The following ELOA variants were observed in gnomAD, a reference collection of about 807,000 sequenced individuals.
ELOA encodes elongin-A.
In ELOA, 15 loss-of-function variants were observed where a neutral mutation model predicts 85.2. The observed-to-expected ratio is 0.18, with a 90% confidence interval of 0.12 to 0.27. The LOEUF (loss-of-function observed/expected upper bound fraction) is 0.27. ELOA is among the 10% of genes least tolerant of loss of function. The pLI is 1.00. For synonymous variants in ELOA, 348 were observed against 357.2 expected (o/e 0.97, Z 0.29); for missense variants, 769 against 952.7 (o/e 0.81, Z 2.54).
chr1:23,750,170 CT>C (rs747972246), intron 3 of ELOA, among the ~76,000 whole-genome samples: 51 of 90,512 alleles, frequency 5.6e-4, no homozygotes, highest in African/African-American at 1.4e-3. Context: ...TGGTACGTTT[CT>C]TTTTTTTTTT....
At chr1:23,758,270 T>TA (rs1557456756) in intron 10 of ELOA, among the ~76,000 whole-genome samples, 22 of 97,008 alleles carry the variant, frequency 2.3e-4, no homozygotes, top group African/African-American at 8.4e-4. Context: ...TTTTTTTTTT[T>TA]TTTTTTTTTT....
rs1638290020 is a variant in ELOA at position 23,761,248 on chromosome 1, A to G, written c.*1675A>G. 1 of 152,152 alleles carries G rather than the reference A, an allele frequency of 6.6e-6. No homozygotes were observed. The highest frequency in any genetic ancestry group is 6.6e-5 in the Admixed American group (1 of 15,264). The allele number at this position is 152,152 out of a possible 1,614,324, so 9.4% of individuals were successfully genotyped here. ...ACTTCTCTTGGTTACTTGTACCACC[A>G]TTCCACCCCTATCCCTAGCCTGCCC... On this transcript the variant is annotated 3_prime_UTR_variant, in exon 11 of 11. Coordinates refer to ENST00000613537, the MANE Select transcript of ELOA (RefSeq NM_003198.3).
chr1:23,752,436 C>A lies in ELOA; in HGVS notation c.1455C>A (p.Asp485Glu). 6.2e-7 allele frequency: 1 copy of A among 1,614,150 alleles called. No homozygotes were observed. Among genetic ancestry groups the A allele is most frequent in the Non-Finnish European group, 8.5e-7 (1 of 1,179,996 alleles). The change falls in exon 5 of 11, where the codon GAC becomes GAA. Residue 485 changes from aspartate to glutamate, a missense_variant. Coordinates refer to ENST00000613537, the MANE Select transcript of ELOA (RefSeq NM_003198.3). ...KVPDVLPVLP[D>E]LPLPAIQANY... ...CTGATGTGTTGCCAGTGTTGCCAGA[C>A]CTCCCGTTACCCGCGATACAGGCCA...
intron 1 of ELOA, among the ~76,000 whole-genome samples, chr1:23,746,438 T>TATA (rs1179394016): frequency 1.3e-5 from 2 of 150,444 alleles, no homozygotes; most frequent in African/African-American, 4.9e-5. Context: ...TGAAACCCCA[T>TATA]CTCTACTAAA....
At position 23,756,028 on chromosome 1, in the gene ELOA, C is replaced by G; in HGVS notation, c.1972+5C>G. 2.5e-6 allele frequency: 4 copies of G among 1,610,858 alleles called. No individual in the cohort carries two copies. The highest frequency in any genetic ancestry group is 3.4e-6 in the Non-Finnish European group (4 of 1,178,494). On this transcript the variant is annotated splice_donor_5th_base_variant and intron_variant, in intron 8 of 10. Coordinates refer to ENST00000613537, the MANE Select transcript of ELOA (RefSeq NM_003198.3). ...CACATGCCAATAAGCCCAAAGGTAACAGAGACGGGAGAGCTGGGGGAGAAC... is the reference window on the plus strand; with the variant it reads ...CACATGCCAATAAGCCCAAAGGTAAGAGAGACGGGAGAGCTGGGGGAGAAC...
chr1:23,753,047 G>A (rs1345736159), intron 5 of ELOA, among the ~76,000 whole-genome samples: 1 of 152,228 alleles, frequency 6.6e-6, no homozygotes, highest in East Asian at 1.9e-4. Flanking sequence ...GTACTCGGTA[G>A]GCTGAGGTGG....
intron 7 of ELOA, 43 bp downstream of exon 7, chr1:23,754,503 T>A: frequency 6.8e-7 from 1 of 1,481,302 alleles, no homozygotes; most frequent in Non-Finnish European, 9.4e-7. Flanking sequence ...TTTTCTGGCT[T>A]GTACCTCCAG....
Position 23,759,915 on chromosome 1 carries a change from G to T in ELOA, c.*342G>T. On this transcript the variant is annotated 3_prime_UTR_variant, in exon 11 of 11. Coordinates refer to ENST00000613537, the MANE Select transcript of ELOA (RefSeq NM_003198.3). ...AGATTGTATTTATATTATCCCCCAG[G>T]TTTGTTTTTGTTTTTTGTCCTCTAC... 1 of 242,050 alleles carries T rather than the reference G, an allele frequency of 4.1e-6. No homozygotes were observed. The highest frequency in any genetic ancestry group is 8.1e-6 in the Non-Finnish European group (1 of 123,126). 15.0% of individuals were successfully genotyped at this position (242,050 alleles called of 1,614,324 possible). A position where few individuals can be genotyped will look rare whatever the true frequency, so the allele number is the denominator to read the frequency against.
intron 7 of ELOA, among the ~76,000 whole-genome samples, chr1:23,755,497 T>C (rs1339176732): frequency 1.3e-5 from 2 of 152,078 alleles, no homozygotes; most frequent in South Asian, 2.1e-4. Flanking sequence ...GAAAAAGATA[T>C]GAGGCTGGGC....
At chr1:23,750,055 A>G in intron 3 of ELOA, 107 bp downstream of exon 3, 5 of 801,562 alleles carry the variant, frequency 6.2e-6, no homozygotes, top group Non-Finnish European at 9.5e-6. Context: ...TTTTGCCTCA[A>G]TTATAAAAAA....
chr1:23,743,502 C>A lies in ELOA; in HGVS notation c.-2C>A, dbSNP rs748304702. 4.6e-6 allele frequency: 7 copies of A among 1,505,716 alleles called. No homozygotes were observed. The highest frequency in any genetic ancestry group is 6.2e-6 in the Non-Finnish European group (7 of 1,132,656). The allele number at this position is 1,505,716 out of a possible 1,614,324, so 93.3% of individuals were successfully genotyped here. A position where few individuals can be genotyped will look rare whatever the true frequency, so the allele number is the denominator to read the frequency against. ...GGCGAGGAGGCCGCGCCAGTGACAG[C>A]GATGGCGGCGGAGTCGGCGCTCCAA... On this transcript the variant is annotated 5_prime_UTR_variant, in exon 1 of 11. Transcript: ENST00000613537.
chr1:23,749,145 G>A, intron 2 of ELOA, 68 bp downstream of exon 2: 2 of 1,375,438 alleles, frequency 1.5e-6, no homozygotes, highest in South Asian at 2.3e-5. Context: ...AGAGTGTGTA[G>A]AATAAGGTTA....
chr1:23,752,662 A>C, intron 5 of ELOA, 144 bp downstream of exon 5: 2 of 804,040 alleles, frequency 2.5e-6, no homozygotes, highest in Non-Finnish European at 3.9e-6. Context: ...TTCTAAACCA[A>C]CCAGGCGTGG....
chr1:23,755,633 A>G (rs1476674213), intron 7 of ELOA, among the ~76,000 whole-genome samples: 1 of 152,098 alleles, frequency 6.6e-6, no homozygotes, highest in African/African-American at 2.4e-5. Flanking sequence ...AATATAAAAT[A>G]GCTGGGCGTG....
At chr1:23,746,334 G>A (rs560932506) in intron 1 of ELOA, among the ~76,000 whole-genome samples, 8 of 148,592 alleles carry the variant, frequency 5.4e-5, no homozygotes, top group East Asian at 2.0e-4. Flanking sequence ...TTGGCCGGGC[G>A]CAGTGGCTCA....
Position 23,749,921 on chromosome 1 carries a change from A to T in ELOA, c.212A>T (p.Gln71Leu). 1 of 1,613,864 alleles carries T rather than the reference A, an allele frequency of 6.2e-7. No homozygotes were observed. Among genetic ancestry groups the T allele is most frequent in the African/African-American group, 1.3e-5 (1 of 75,050 alleles). The change falls in exon 3 of 11, where the codon CAG (glutamine) becomes CTG (leucine). Residue 71 changes from glutamine (Q) to leucine (L), a missense_variant. Physicochemically the swap from Gln to Leu is moderately radical, Grantham distance 113. Around this residue, in one of 4 missense-constraint regions of ELOA, gnomAD observed 440 missense variants for 474.0 expected, o/e 0.93. Transcript: ENST00000613537. ...VGSFARDLVA[Q>L]WKKLVPVERN... ...AGCTTTGCCAGGGACCTAGTGGCCC[A>T]GTGGAAGAAGCTGGTTCCTGTGGAA...
rs771296995 is a variant in ELOA at position 23,751,811 on chromosome 1, G to A, written c.1206G>A (p.Gln402=). The stretch of plus-strand genomic sequence containing the variant: ...CAGATATGGAGGATGAATTCGAGCA[G>A]CCAACCATGTCTTTTGAATCCTACC... ...EETDMEDEFE[Q]PTMSFESYLS... is the part of the protein sequence containing the mutation. The change falls in exon 4 of 11, where the codon CAG becomes CAA. Residue 402 remains glutamine, a synonymous_variant. Coordinates refer to ENST00000613537, the MANE Select transcript of ELOA (RefSeq NM_003198.3). 3.2e-5 allele frequency: 51 copies of A among 1,614,034 alleles called. No individual in the cohort carries two copies. Among genetic ancestry groups the A allele is most frequent in the Non-Finnish European group, 4.2e-5 (50 of 1,180,044 alleles).
chr1:23,746,435 C>T (rs992099879), intron 1 of ELOA, among the ~76,000 whole-genome samples: 2 of 151,392 alleles, frequency 1.3e-5, no homozygotes, highest in African/African-American at 4.9e-5. Context: ...TGATGAAACC[C>T]CATCTCTACT....
In ELOA at chr1:23,752,334, C is replaced by T. The variant is rs183436272; in HGVS notation, c.1426-73C>T. The stretch of plus-strand genomic sequence containing the variant: ...GTGCAAGATGTCCAGTTAATGCTCC[C>T]GGGAATAGACTGTAGGAAAGAGAGC... On this transcript the variant is annotated intron_variant, in intron 4 of 10. Coordinates refer to ENST00000613537, the MANE Select transcript of ELOA (RefSeq NM_003198.3). 3.7e-5 allele frequency: 53 copies of T among 1,445,436 alleles called. No individual in the cohort carries two copies. The Admixed American group carries it at 5.5e-4, about 15-fold the overall frequency. The allele number at this position is 1,445,436 out of a possible 1,614,324, so 89.5% of individuals were successfully genotyped here.
Sources: allele counts gnomAD v4.1 joint callset (sites outside exome capture counted in the v4.1 genomes callset), GRCh38; gene constraint gnomAD v4.1.1; regional missense constraint gnomAD v4.1.1; transcripts MANE v1.5; gene names NCBI Gene and HGNC (gene_info 2026-07-23, HGNC 2026-07-21).